The following RIT2 variants were observed in gnomAD, a reference collection of about 807,000 sequenced individuals.
RIT2 encodes GTP-binding protein Rit2.
In RIT2, 24 loss-of-function variants were observed where a neutral mutation model predicts 23.7. That is an observed-to-expected ratio of 1.01 (90% CI 0.73 to 1.43). The LOEUF (loss-of-function observed/expected upper bound fraction) is 1.43. RIT2 is among the 40% of genes most tolerant of loss of function. The pLI, the probability that RIT2 is intolerant of heterozygous loss-of-function variation, is 0.00. For synonymous variants in RIT2, 107 were observed against 91.1 expected (o/e 1.17, Z -0.99); for missense variants, 236 against 266.9 (o/e 0.88, Z 0.81).
At position 43,066,592 on chromosome 18, in the gene RIT2, T is replaced by C. The variant is rs990307261; in HGVS notation, c.104-32725A>G. Among the ~76,000 whole-genome samples the C allele has an allele frequency of 3.3e-5, 5 of 152,122 alleles. No individual in the cohort carries two copies. In the East Asian group the frequency reaches 5.8e-4, roughly 18 times the overall value. ...TGCTGGAGAAACAAAGATAAGCACATGGTTGTGTCATAAAGAAACTCATGG... is the reference window on the plus strand; with the variant it reads ...TGCTGGAGAAACAAAGATAAGCACACGGTTGTGTCATAAAGAAACTCATGG... On this transcript the variant is annotated intron_variant, in intron 1 of 4. Coordinates refer to ENST00000326695, the MANE Select transcript of RIT2 (RefSeq NM_002930.4).
intron 3 of RIT2, among the ~76,000 whole-genome samples, chr18:42,961,881 G>A (rs1037860266): frequency 1.3e-5 from 2 of 152,102 alleles, no homozygotes; most frequent in Non-Finnish European, 2.9e-5. Context: ...GTGAGAGTAC[G>A]CATTTTCCAT....
chr18:42,891,323 C>T (rs1908168512), intron 4 of RIT2, among the ~76,000 whole-genome samples: 2 of 152,148 alleles, frequency 1.3e-5, no homozygotes, highest in Non-Finnish European at 2.9e-5. Flanking sequence ...ACATAGCCTT[C>T]CATCTCCATA....
chr18:43,040,937 A>G (rs1351108313), intron 1 of RIT2, among the ~76,000 whole-genome samples: 1 of 152,156 alleles, frequency 6.6e-6, no homozygotes, highest in African/African-American at 2.4e-5. Flanking sequence ...TTAATTTTTG[A>G]TGAATATTAA....
chr18:42,992,812 G>A (rs893067344), intron 2 of RIT2, among the ~76,000 whole-genome samples: 7 of 152,166 alleles, frequency 4.6e-5, no homozygotes, highest in Admixed American at 3.3e-4. Context: ...ACCCAGCCCA[G>A]TTCATGGCTC....
intron 1 of RIT2, among the ~76,000 whole-genome samples, chr18:43,062,043 G>C (rs950803253): frequency 6.6e-6 from 1 of 152,032 alleles, no homozygotes; most frequent in African/African-American, 2.4e-5. Flanking sequence ...GAAGCCATGG[G>C]ATGCCACTCC....
At chr18:42,796,667 A>G (rs1367210098) in intron 4 of RIT2, among the ~76,000 whole-genome samples, 3 of 152,138 alleles carry the variant, frequency 2.0e-5, no homozygotes, top group Non-Finnish European at 4.4e-5. Flanking sequence ...CTACCTGCCC[A>G]TGTTGTATTT....
intron 4 of RIT2, among the ~76,000 whole-genome samples, chr18:42,874,077 A>T (rs1382157211): frequency 6.6e-6 from 1 of 152,298 alleles, no homozygotes; most frequent in South Asian, 2.1e-4. Flanking sequence ...ATTATGAATC[A>T]ACATAACCCT....
At chr18:42,962,775 A>C (rs926920293) in intron 3 of RIT2, among the ~76,000 whole-genome samples, 1 of 152,194 alleles carries the variant, frequency 6.6e-6, no homozygotes, top group Non-Finnish European at 1.5e-5. Context: ...TCTCTGAATG[A>C]GATGGTCATT....
intron 1 of RIT2, among the ~76,000 whole-genome samples, chr18:43,041,102 T>C (rs1265915130): frequency 6.6e-6 from 1 of 152,110 alleles, no homozygotes. Flanking sequence ...TTTTTTCAGG[T>C]TAACTATGTG....
intron 4 of RIT2, among the ~76,000 whole-genome samples, chr18:42,844,984 T>A (rs1239263456): frequency 2.6e-5 from 4 of 151,694 alleles, no homozygotes; most frequent in African/African-American, 9.7e-5. Flanking sequence ...GGGCAGGGAG[T>A]TTTATTAGTG....
chr18:43,032,561 T>C (rs912675606), intron 2 of RIT2, among the ~76,000 whole-genome samples: 2 of 152,068 alleles, frequency 1.3e-5, no homozygotes, highest in African/African-American at 4.8e-5. Context: ...ATTTAGAAAA[T>C]GGACTTAGAG....
At chr18:43,094,140 T>TTC (rs58692961) in intron 1 of RIT2, among the ~76,000 whole-genome samples, 42 of 149,480 alleles carry the variant, frequency 2.8e-4, no homozygotes, top group Non-Finnish European at 5.8e-4. Context: ...TTTTTTTTTT[T>TTC]CACTTTGCCT....
At chr18:42,966,807 CAGAT>C (rs562136239) in intron 3 of RIT2, among the ~76,000 whole-genome samples, 63 of 151,488 alleles carry the variant, frequency 4.2e-4, no homozygotes, top group African/African-American at 1.5e-3. Flanking sequence ...TTGAGAATGT[CAGAT>C]AGACACATAT....
At chr18:42,790,761 T>A (rs1200022139) in intron 4 of RIT2, among the ~76,000 whole-genome samples, 1 of 152,220 alleles carries the variant, frequency 6.6e-6, no homozygotes, top group African/African-American at 2.4e-5. Context: ...TTAAAGTTTT[T>A]AAATTCTTTT....
intron 2 of RIT2, among the ~76,000 whole-genome samples, chr18:42,980,682 A>G (rs1270112368): frequency 6.6e-6 from 1 of 152,122 alleles, no homozygotes; most frequent in East Asian, 1.9e-4. Context: ...AGGCCTTGCC[A>G]AGAACAGAAA....
intron 4 of RIT2, among the ~76,000 whole-genome samples, chr18:42,873,867 G>C (rs774291204): frequency 1.3e-5 from 2 of 152,108 alleles, no homozygotes; most frequent in African/African-American, 2.4e-5. Context: ...GCAGAGAGAG[G>C]CTACATGGCA....
intron 4 of RIT2, among the ~76,000 whole-genome samples, chr18:42,870,801 C>T (rs1048117540): frequency 6.6e-6 from 1 of 152,132 alleles, no homozygotes; most frequent in African/African-American, 2.4e-5. Flanking sequence ...TAAGAACATT[C>T]AGAATAGAAG....
At chr18:43,055,552 C>T (rs1912481758) in intron 1 of RIT2, among the ~76,000 whole-genome samples, 1 of 152,116 alleles carries the variant, frequency 6.6e-6, no homozygotes, top group South Asian at 2.1e-4. Flanking sequence ...AAAATATATT[C>T]ATCATTATCC....
intron 4 of RIT2, among the ~76,000 whole-genome samples, chr18:42,895,564 G>A (rs1406224083): frequency 1.8e-4 from 27 of 152,116 alleles, no homozygotes; most frequent in Admixed American, 1.8e-3. Context: ...CAGTACTCAT[G>A]GTCAACACCA....
Sources: gnomAD v4.1 joint callset for allele counts (sites outside exome capture counted in the v4.1 genomes callset) on GRCh38, gnomAD v4.1.1 for gene constraint, MANE v1.5 for transcripts, NCBI Gene and HGNC (gene_info 2026-07-23, HGNC 2026-07-21) for gene names.